The following CFAP300 variants were observed in gnomAD, a reference collection of about 807,000 sequenced individuals.
The protein encoded by CFAP300 is cilia and flagella associated protein 300, also known as cilia- and flagella-associated protein 300.
Under a neutral mutation model 33.0 loss-of-function variants are expected in CFAP300, and 32 were observed. The ratio of observed to expected loss-of-function variants is 0.97; its 90% confidence interval spans 0.73 to 1.30. CFAP300 has a LOEUF of 1.30. Among genes scored for constraint, CFAP300 ranks in the 50% most tolerant of loss-of-function variants. CFAP300 has a pLI of 0.00. For missense variants in CFAP300, 356 were observed against 318.1 expected, an observed-to-expected ratio of 1.12 and a Z score of -0.90; for synonymous variants, 102 against 106.8, an observed-to-expected ratio of 0.95 and a Z score of 0.28.
chr11:102,074,073 G>C (rs574871481), intron 4 of CFAP300, among the ~76,000 whole-genome samples: 39 of 152,300 alleles, frequency 2.6e-4, no homozygotes, highest in African/African-American at 9.4e-4. Context: ...ACCATGCAGA[G>C]TCCATGTGGA....
At chr11:102,055,507 A>G (rs1392893435) in intron 2 of CFAP300, among the ~76,000 whole-genome samples, 2 of 147,542 alleles carry the variant, frequency 1.4e-5, no homozygotes, top group Non-Finnish European at 1.5e-5. Context: ...ACAGGTGCAC[A>G]GCACTGTGCC....
chr11:102,068,534 C>T (rs1315795524), intron 4 of CFAP300, among the ~76,000 whole-genome samples: 1 of 152,136 alleles, frequency 6.6e-6, no homozygotes, highest in African/African-American at 2.4e-5. Context: ...CTTCTGTAAT[C>T]CCAGCACTTT....
chr11:102,067,049 A>G (rs1047369303), intron 4 of CFAP300, among the ~76,000 whole-genome samples: 1 of 152,182 alleles, frequency 6.6e-6, no homozygotes, highest in African/African-American at 2.4e-5. Context: ...AATATTAAAA[A>G]CATCCCGGAG....
intron 3 of CFAP300, among the ~76,000 whole-genome samples, chr11:102,062,244 A>G (rs1942159245): frequency 6.6e-6 from 1 of 152,202 alleles, no homozygotes; most frequent in African/African-American, 2.4e-5. Context: ...AACTTTGAGA[A>G]ATACATGTCT....
intron 6 of CFAP300, 124 bp downstream of exon 6, chr11:102,081,405 T>A: frequency 1.2e-6 from 1 of 821,592 alleles, no homozygotes; most frequent in Non-Finnish European, 1.9e-6. Context: ...TTATTTAGAG[T>A]TTTGTTAAAA....
At chr11:102,067,052 T>A (rs1942238730) in intron 4 of CFAP300, among the ~76,000 whole-genome samples, 1 of 152,298 alleles carries the variant, frequency 6.6e-6, no homozygotes, top group African/African-American at 2.4e-5. Flanking sequence ...ATTAAAAACA[T>A]CCCGGAGCTG....
chr11:102,061,823 A>T (rs1428698414), intron 3 of CFAP300, among the ~76,000 whole-genome samples: 1 of 152,206 alleles, frequency 6.6e-6, no homozygotes, highest in Non-Finnish European at 1.5e-5. Flanking sequence ...GGAGGCACCC[A>T]GTGTTTTATA....
chr11:102,070,519 CTGTT>C (rs139188473), intron 4 of CFAP300, among the ~76,000 whole-genome samples: 2,098 of 152,130 alleles, frequency 0.014, 46 homozygotes, highest in African/African-American at 0.047. Flanking sequence ...TCTGGAGTTC[CTGTT>C]TGTTTGTTTA....
rs183089841 is a variant in CFAP300, at chr11:102,065,896, T to A, written c.269-589T>A. On this transcript the variant is annotated intron_variant, in intron 3 of 6. Transcript: ENST00000434758. Reference sequence around the variant, plus strand: ...TTAAGAATCCTCTACTACATTTTTTTAAAATGTATTTCATTTTTAAGTATC... The same window carrying A: ...TTAAGAATCCTCTACTACATTTTTTAAAAATGTATTTCATTTTTAAGTATC... 2.3e-3 allele frequency among the ~76,000 whole-genome samples: 344 copies of A among 152,286 alleles called. 3 individuals carry two copies. The highest frequency in any genetic ancestry group is 7.7e-3 in the African/African-American group (319 of 41,562).
intron 3 of CFAP300, among the ~76,000 whole-genome samples, chr11:102,063,753 A>G (rs1942185184): frequency 6.6e-6 from 1 of 152,212 alleles, no homozygotes; most frequent in Admixed American, 6.5e-5. Context: ...CAGGAAGTTG[A>G]GGCCACAATG....
chr11:102,059,280 A>AGTGTGT, intron 3 of CFAP300, among the ~76,000 whole-genome samples: 1 of 127,356 alleles, frequency 7.9e-6, no homozygotes, highest in Admixed American at 8.4e-5. Context: ...GATATGTTAA[A>AGTGTGT]ATGTGTGTGT....
chr11:102,082,675 A>T (rs1942491392), intron 6 of CFAP300, among the ~76,000 whole-genome samples: 3 of 152,194 alleles, frequency 2.0e-5, no homozygotes, highest in Admixed American at 2.0e-4. Context: ...AAATATATTG[A>T]TTATCACTTA....
At chr11:102,056,507 T>G (rs571229843) in intron 2 of CFAP300, among the ~76,000 whole-genome samples, 74 of 152,268 alleles carry the variant, frequency 4.9e-4, no homozygotes, top group African/African-American at 1.7e-3. Flanking sequence ...TGGATAAAAG[T>G]GGTATCTTCT....
At chr11:102,066,751 A>G (rs1011327246) in intron 4 of CFAP300, 100 bp downstream of exon 4, 33 of 927,034 alleles carry the variant, frequency 3.6e-5, no homozygotes, top group Non-Finnish European at 5.0e-5. Context: ...ACCTTGTCAT[A>G]AAATACCACC....
chr11:102,075,190 T>C (rs1420523288), intron 4 of CFAP300, among the ~76,000 whole-genome samples: 1 of 152,238 alleles, frequency 6.6e-6, no homozygotes, highest in Admixed American at 6.5e-5. Flanking sequence ...CACCTTTTTA[T>C]ACCCACTACA....
chr11:102,079,963 T>A (rs1301401858), intron 5 of CFAP300, among the ~76,000 whole-genome samples: 1 of 152,152 alleles, frequency 6.6e-6, no homozygotes, highest in African/African-American at 2.4e-5. Flanking sequence ...AGTTGTGTGA[T>A]CTTTAAATGA....
intron 2 of CFAP300, among the ~76,000 whole-genome samples, chr11:102,049,743 T>C (rs781146843): frequency 3.3e-5 from 5 of 152,154 alleles, no homozygotes; most frequent in Non-Finnish European, 7.3e-5. Flanking sequence ...ATTTATTCAA[T>C]AAATATTTGT....
intron 2 of CFAP300, among the ~76,000 whole-genome samples, chr11:102,048,939 C>T (rs1314113409): frequency 6.6e-6 from 1 of 152,044 alleles, no homozygotes; most frequent in Non-Finnish European, 1.5e-5. Context: ...TTCCTGAGGG[C>T]CTATCATGTG....
intron 5 of CFAP300, among the ~76,000 whole-genome samples, chr11:102,076,805 G>A (rs1477081061): frequency 6.6e-6 from 1 of 152,076 alleles, no homozygotes; most frequent in Non-Finnish European, 1.5e-5. Context: ...GTGTCATATA[G>A]CTATACAGCA....
Sources: allele counts gnomAD v4.1 joint callset (sites outside exome capture counted in the v4.1 genomes callset), GRCh38; gene constraint gnomAD v4.1.1; transcripts MANE v1.5; gene names NCBI Gene and HGNC (gene_info 2026-07-23, HGNC 2026-07-21).